Variants in CFAP36 observed in about 807,000 individuals in gnomAD.
CFAP36 encodes cilia and flagella associated protein 36.
CFAP36 carries 37 observed loss-of-function variants against 50.5 expected under a neutral mutation model. That is an observed-to-expected ratio of 0.73 (90% CI 0.56 to 0.96). The LOEUF is 0.96. Ranked by LOEUF, CFAP36 falls within the 50% of genes least tolerant of loss-of-function variation. CFAP36 has a pLI of 0.00. For synonymous variants in CFAP36, 138 were observed against 128.2 expected (o/e 1.08, Z -0.52); for missense variants, 407 against 396.2 (o/e 1.03, Z -0.23).
intron 1 of CFAP36, among the ~76,000 whole-genome samples, chr2:55,521,737 C>A (rs983277503): frequency 1.3e-5 from 2 of 151,464 alleles, no homozygotes; most frequent in Non-Finnish European, 2.9e-5. Flanking sequence ...TCAAGCAATT[C>A]TCTTGCCTCA....
At chr2:55,535,939 G>A (rs1574622346) in intron 6 of CFAP36, 176 bp downstream of exon 6, 2 of 1,289,146 alleles carry the variant, frequency 1.6e-6, no homozygotes, top group East Asian at 2.8e-5. Flanking sequence ...GTGCATTACT[G>A]CTGGCCACCA....
Position 55,519,897 on chromosome 2 carries a change from T to C in CFAP36, c.96T>C (p.Phe32=), listed in dbSNP as rs1684009364. Residue 32 remains phenylalanine, a synonymous_variant, in exon 1 of 10, where the codon TTT becomes TTC. Transcript: ENST00000349456. ...ACTGGTCCATCCCCATCTTGGACTT[T>C]GTGGAACAGAAATGTGAAGGTAAAA... ...GPDWSIPILD[F]VEQKCEVFDD... 2.5e-6 allele frequency: 4 copies of C among 1,614,094 alleles called. No individual in the cohort carries two copies. The highest frequency in any genetic ancestry group is 1.3e-5 in the African/African-American group (1 of 74,950).
rs377034476 is a variant in CFAP36, at chr2:55,533,928, C to T, written c.453C>T (p.His151=). 6.8e-5 allele frequency: 110 copies of T among 1,610,360 alleles called. No individual in the cohort carries two copies. The highest frequency in any genetic ancestry group is 1.6e-4 in the Middle Eastern group (1 of 6,068). The change falls in exon 5 of 10, where the codon CAC becomes CAT. Residue 151 remains histidine (H), a synonymous_variant. Coordinates refer to ENST00000349456, the MANE Select transcript of CFAP36 (RefSeq NM_080667.7). ...DGSDVVSDLE[H]EEMKILREVL... is the part of the protein sequence containing the mutation. ...CTGATGTGGTCAGTGACCTTGAACA[C>T]GAAGAGATGAAAATCCTGAGGGAAG...
chr2:55,528,606 G>A (rs1019525627), intron 3 of CFAP36, among the ~76,000 whole-genome samples: 2 of 152,044 alleles, frequency 1.3e-5, no homozygotes, highest in Admixed American at 1.3e-4. Context: ...ATGTTGGCTA[G>A]GCTAATCTTG....
chr2:55,519,864 A>G lies in CFAP36; in HGVS notation c.63A>G (p.Arg21=). ...WVVESIAGFL[R]GPDWSIPILD... The stretch of plus-strand genomic sequence containing the variant: ...TGGAGAGCATCGCGGGGTTCCTGCG[A>G]GGCCCAGACTGGTCCATCCCCATCT... Residue 21 remains arginine (R), a synonymous_variant, in exon 1 of 10, where the codon CGA becomes CGG. Transcript: ENST00000349456. The G allele has an allele frequency of 6.2e-7, 1 of 1,614,238 alleles. No homozygotes were observed. Among genetic ancestry groups the G allele is most frequent in the Non-Finnish European group, 8.5e-7 (1 of 1,180,042 alleles).
At chr2:55,544,183 T>G (rs1165071606) in intron 8 of CFAP36, 37 bp from the exon 9 acceptor site, 1 of 1,608,488 alleles carries the variant, frequency 6.2e-7, no homozygotes, top group Non-Finnish European at 8.5e-7. Flanking sequence ...ACTAAATGGA[T>G]TTGAATTTAG....
At chr2:55,539,034 C>G (rs562829483) in intron 7 of CFAP36, 1 of 819,338 alleles carries the variant, frequency 1.2e-6, no homozygotes, top group South Asian at 2.7e-5. Context: ...AGTCCCTGCC[C>G]TAGTACATGC....
chr2:55,520,262 G>A (rs1684025596), intron 1 of CFAP36: 1 of 713,488 alleles, frequency 1.4e-6, no homozygotes, highest in African/African-American at 1.8e-5. Flanking sequence ...TCGGCAGGTG[G>A]ACTGTTTGGC....
Position 55,533,955 on chromosome 2 carries a change from T to C in CFAP36, c.480T>C (p.Val160=). 1 of 1,587,088 alleles carries C rather than the reference T, an allele frequency of 6.3e-7. No homozygotes were observed. Among genetic ancestry groups the C allele is most frequent in the Non-Finnish European group, 8.6e-7 (1 of 1,157,362 alleles). ...EHEEMKILRE[V]LRKSKEEYDQ... ...AAGAGATGAAAATCCTGAGGGAAGT[T>C]CTTAGGTACCATTCTTTAATTGTTT... The change falls in exon 5 of 10, where the codon GTT becomes GTC. Residue 160 remains valine, a synonymous_variant. Coordinates refer to ENST00000349456, the MANE Select transcript of CFAP36 (RefSeq NM_080667.7).
At chr2:55,526,889 A>G (rs1408878021) in intron 3 of CFAP36, among the ~76,000 whole-genome samples, 1 of 152,200 alleles carries the variant, frequency 6.6e-6, no homozygotes, top group Non-Finnish European at 1.5e-5. Context: ...TTAGCTGGGC[A>G]TGGTGACACG....
intron 3 of CFAP36, among the ~76,000 whole-genome samples, 185 bp downstream of exon 3, chr2:55,524,007 T>C (rs1684137487): frequency 6.6e-6 from 1 of 152,248 alleles, no homozygotes. Context: ...ATTTGAGGCA[T>C]TAATGAACTG....
intron 6 of CFAP36, 79 bp downstream of exon 6, chr2:55,535,842 ATTTATAC>A: frequency 6.8e-7 from 1 of 1,472,632 alleles, no homozygotes. Context: ...TACTATTAAA[ATTTATAC>A]TTATGTGGAA....
intron 2 of CFAP36, among the ~76,000 whole-genome samples, 190 bp downstream of exon 2, chr2:55,522,356 C>T (rs17278051): frequency 2.0e-5 from 3 of 152,134 alleles, no homozygotes; most frequent in African/African-American, 7.2e-5. Context: ...GACTTATCTC[C>T]TCTACTCTAA....
intron 7 of CFAP36, chr2:55,538,667 T>C: frequency 1.0e-6 from 1 of 982,452 alleles, no homozygotes; most frequent in Non-Finnish European, 1.5e-6. Context: ...GGTCTCAAAC[T>C]CCTGGCCTCA....
In CFAP36 at chr2:55,519,866, G is replaced by A. The variant is rs780701711; in HGVS notation, c.65G>A (p.Gly22Asp). 2.5e-6 allele frequency: 4 copies of A among 1,614,238 alleles called. No individual in the cohort carries two copies. The highest frequency in any genetic ancestry group is 3.4e-6 in the Non-Finnish European group (4 of 1,180,032). The change falls in exon 1 of 10, where the codon GGC becomes GAC. Residue 22 changes from glycine to aspartate, a missense_variant. By Grantham distance (94) the Gly-to-Asp change is moderately conservative. Coordinates refer to ENST00000349456, the MANE Select transcript of CFAP36 (RefSeq NM_080667.7). Reference sequence around the variant, plus strand: ...GAGAGCATCGCGGGGTTCCTGCGAGGCCCAGACTGGTCCATCCCCATCTTG... The same window carrying A: ...GAGAGCATCGCGGGGTTCCTGCGAGACCCAGACTGGTCCATCCCCATCTTG... ...VVESIAGFLR[G>D]PDWSIPILDF...
At chr2:55,541,953 T>C (rs1330587489) in intron 7 of CFAP36, among the ~76,000 whole-genome samples, 2 of 150,496 alleles carry the variant, frequency 1.3e-5, no homozygotes, top group South Asian at 2.1e-4. Context: ...CAGGAGTATA[T>C]TGAATCAGAA....
intron 3 of CFAP36, among the ~76,000 whole-genome samples, chr2:55,527,103 C>G (rs1684228600): frequency 6.6e-6 from 1 of 152,044 alleles, no homozygotes; most frequent in African/African-American, 2.4e-5. Flanking sequence ...CTGGCAATTT[C>G]CAAGAAGACA....
intron 3 of CFAP36, among the ~76,000 whole-genome samples, chr2:55,524,765 T>C (rs1042528943): frequency 2.6e-5 from 4 of 152,030 alleles, no homozygotes; most frequent in African/African-American, 9.7e-5. Flanking sequence ...GCAGATCACC[T>C]GAGGTCGGGA....
At chr2:55,534,423 C>T (rs572432031) in intron 5 of CFAP36, among the ~76,000 whole-genome samples, 28 of 152,296 alleles carry the variant, frequency 1.8e-4, no homozygotes, top group Admixed American at 1.6e-3. Flanking sequence ...ATGACAGAGG[C>T]GTCTATCCCA....
Sources: allele counts gnomAD v4.1 joint callset (sites outside exome capture counted in the v4.1 genomes callset), GRCh38; gene constraint gnomAD v4.1.1; transcripts MANE v1.5; gene names NCBI Gene and HGNC (gene_info 2026-07-23, HGNC 2026-07-21).